The following MYO5C variants were observed in gnomAD, a reference collection of about 807,000 sequenced individuals.
The protein encoded by MYO5C is myosin VC, also known as unconventional myosin-Vc.
A neutral mutation model predicts 235.7 loss-of-function variants in MYO5C; 194 were observed. That is an observed-to-expected ratio of 0.82 (90% CI 0.73 to 0.93). The LOEUF is 0.93. Ranked by LOEUF, MYO5C falls within the 40% of genes least tolerant of loss-of-function variation. MYO5C has a pLI of 0.00. For synonymous variants in MYO5C, 707 were observed against 754.8 expected (o/e 0.94, Z 1.04); for missense variants, 2,038 against 2,127.2 (o/e 0.96, Z 0.82).
At chr15:52,260,702 T>C (rs1279963596) in intron 10 of MYO5C, among the ~76,000 whole-genome samples, 160 bp downstream of exon 10, 9 of 152,212 alleles carry the variant, frequency 5.9e-5, no homozygotes, top group Non-Finnish European at 1.5e-5. Context: ...AATGGCACCA[T>C]AGCCCAGGAG....
At chr15:52,255,631 G>C (rs935605650) in intron 11 of MYO5C, among the ~76,000 whole-genome samples, 1 of 152,226 alleles carries the variant, frequency 6.6e-6, no homozygotes, top group African/African-American at 2.4e-5. Context: ...GTTAGGAGCA[G>C]AAAGGCGTCA....
At position 52,230,752 on chromosome 15, in the gene MYO5C, T is replaced by TTA. The variant is rs140001714; in HGVS notation, c.3027-1440_3027-1439insTA. Among the ~76,000 whole-genome samples the TTA allele has an allele frequency of 2.1e-3, 309 of 148,638 alleles. 6 individuals are homozygous for TTA. The highest frequency in any genetic ancestry group is 0.014 in the East Asian group (69 of 5,000). ...TAACGAACTTTGTTTCCAGGTTTTT[T>TTA]AAAAAAAAACTGCAGTGCTCCCAAG... is the stretch of plus-strand genomic sequence containing the variant. On this transcript the variant is annotated intron_variant, in intron 24 of 40. Coordinates refer to ENST00000261839, the MANE Select transcript of MYO5C (RefSeq NM_018728.4).
rs761469074 is a variant in MYO5C at position 52,237,509 on chromosome 15, C to T, written c.2841G>A (p.Gly947=). Residue 947 remains glycine, a synonymous_variant, in exon 22 of 41, where the codon GGG becomes GGA. Coordinates refer to ENST00000261839, the MANE Select transcript of MYO5C (RefSeq NM_018728.4). Reference sequence around the variant, plus strand: ...CTTCCACAGCATCCCTGTATCTCTTCCCCTTCTCCTCGTAATTTCGCCTGT... The same window carrying T: ...CTTCCACAGCATCCCTGTATCTCTTTCCCTTCTCCTCGTAATTTCGCCTGT... ...ATHRRNYEEK[G]KRYRDAVEEK... The T allele has an allele frequency of 8.1e-6, 13 of 1,614,080 alleles. No homozygotes were observed. The African/African-American group carries it at 1.5e-4, about 18-fold the overall frequency.
chr15:52,292,231 T>A (rs1200759389), intron 1 of MYO5C, among the ~76,000 whole-genome samples: 1 of 152,204 alleles, frequency 6.6e-6, no homozygotes, highest in African/African-American at 2.4e-5. Context: ...CCAATTTAGT[T>A]ATTATAAGGA....
intron 38 of MYO5C, among the ~76,000 whole-genome samples, chr15:52,197,937 G>C (rs2035091632): frequency 6.6e-6 from 1 of 152,116 alleles, no homozygotes; most frequent in Non-Finnish European, 1.5e-5. Context: ...TGCCTGGCCT[G>C]AACTATATAC....
intron 2 of MYO5C, among the ~76,000 whole-genome samples, chr15:52,280,991 T>C (rs1383974818): frequency 6.6e-6 from 1 of 152,198 alleles, no homozygotes; most frequent in African/African-American, 2.4e-5. Flanking sequence ...CCTGCTCCCC[T>C]GTTACCAATG....
chr15:52,292,306 C>T (rs1183207396), intron 1 of MYO5C, among the ~76,000 whole-genome samples: 1 of 152,166 alleles, frequency 6.6e-6, no homozygotes, highest in African/African-American at 2.4e-5. Context: ...CACAAGCCCA[C>T]TGTGTGCGGG....
At chr15:52,272,871 C>A (rs539619750) in intron 5 of MYO5C, 148 bp from the exon 6 acceptor site, 1 of 703,576 alleles carries the variant, frequency 1.4e-6, no homozygotes, top group African/African-American at 1.8e-5. Context: ...AGCAACCCCA[C>A]GCTGGCAGGG....
intron 11 of MYO5C, among the ~76,000 whole-genome samples, chr15:52,255,480 G>A (rs543189658): frequency 1.3e-5 from 2 of 152,322 alleles, no homozygotes; most frequent in East Asian, 3.9e-4. Flanking sequence ...AGTTAGTAAA[G>A]CATTTTAGCT....
At position 52,256,562 on chromosome 15, in the gene MYO5C, A is replaced by AACACACACACACAC. The variant is rs373248361; in HGVS notation, c.1395+63_1395+76dup. 1.1e-3 allele frequency: 724 copies of AACACACACACACAC among 632,244 alleles called. 13 individuals are homozygous for AACACACACACACAC. The African/African-American group carries it at 0.014, about 12-fold the overall frequency. The allele number at this position is 632,244 out of a possible 1,614,324, so 39.2% of individuals were successfully genotyped here. ...AGAAAGAAGAATGCCTCTTTCCACG[A>AACACACACACACAC]ACACACACACACACACACACACACA... On this transcript the variant is annotated intron_variant, in intron 11 of 40. Transcript: ENST00000261839.
chr15:52,204,395 G>A (rs558620694), intron 38 of MYO5C, among the ~76,000 whole-genome samples: 25 of 151,936 alleles, frequency 1.6e-4, no homozygotes, highest in Middle Eastern at 3.4e-3. Context: ...CAACTGTTCC[G>A]TCTGCAATGT....
chr15:52,212,621 G>A (rs1003919508), intron 34 of MYO5C, among the ~76,000 whole-genome samples: 3 of 152,210 alleles, frequency 2.0e-5, no homozygotes, highest in Non-Finnish European at 2.9e-5. Flanking sequence ...AGAAAACCAC[G>A]TGGAAGGTCA....
intron 33 of MYO5C, among the ~76,000 whole-genome samples, chr15:52,213,920 C>A (rs2035502164): frequency 6.6e-6 from 1 of 152,162 alleles, no homozygotes. Flanking sequence ...AAGGGATCCT[C>A]AGTTTGCTTG....
At chr15:52,195,494 A>G in intron 39 of MYO5C, 37 bp from the exon 40 acceptor site, 2 of 1,374,380 alleles carry the variant, frequency 1.5e-6, no homozygotes, top group Admixed American at 2.0e-5. Flanking sequence ...AGACCATGCA[A>G]AATAATAACT....
chr15:52,261,425 G>A (rs901123050), intron 9 of MYO5C, among the ~76,000 whole-genome samples: 19 of 152,246 alleles, frequency 1.2e-4, no homozygotes, highest in African/African-American at 4.6e-4. Flanking sequence ...CGGTGACTAA[G>A]GCCATAGAGG....
At chr15:52,200,888 T>C (rs954601823) in intron 38 of MYO5C, among the ~76,000 whole-genome samples, 13 of 151,856 alleles carry the variant, frequency 8.6e-5, no homozygotes, top group African/African-American at 3.1e-4. Flanking sequence ...AAAAATACAA[T>C]AATAGAAATA....
intron 9 of MYO5C, among the ~76,000 whole-genome samples, chr15:52,261,381 A>G (rs914880372): frequency 2.6e-5 from 4 of 152,238 alleles, no homozygotes; most frequent in Non-Finnish European, 4.4e-5. Flanking sequence ...GCTGCGTCCC[A>G]CGCTGATTTT....
intron 25 of MYO5C, among the ~76,000 whole-genome samples, chr15:52,228,381 A>T (rs2035876647): frequency 6.6e-6 from 1 of 152,170 alleles, no homozygotes; most frequent in Admixed American, 6.5e-5. Flanking sequence ...TGACCTCATG[A>T]TCCACCTGCC....
intron 1 of MYO5C, among the ~76,000 whole-genome samples, chr15:52,283,964 C>G (rs1297833915): frequency 6.6e-6 from 1 of 152,160 alleles, no homozygotes; most frequent in Non-Finnish European, 1.5e-5. Context: ...CATGAGCCAC[C>G]ACGCCTGGCA....
Sources: allele counts gnomAD v4.1 joint callset (sites outside exome capture counted in the v4.1 genomes callset), GRCh38; gene constraint gnomAD v4.1.1; transcripts MANE v1.5; gene names NCBI Gene and HGNC (gene_info 2026-07-23, HGNC 2026-07-21).